RAP1GDS1: variants seen among roughly 807,000 people sequenced by gnomAD.
RAP1GDS1 encodes RAP1, GTP-GDP dissociation stimulator 1.
Under a neutral mutation model 71.1 loss-of-function variants are expected in RAP1GDS1, and 35 were observed. The ratio of observed to expected loss-of-function variants is 0.49; its 90% CI spans 0.38 to 0.65. The LOEUF is 0.65. Ranked by LOEUF, RAP1GDS1 falls within the 30% of genes least tolerant of loss-of-function variation. The pLI, the probability that RAP1GDS1 is intolerant of heterozygous loss-of-function variation, is 0.00. For missense variants in RAP1GDS1, 663 were observed against 706.1 expected, an observed-to-expected ratio of 0.94 and a Z score of 0.69; for synonymous variants, 229 against 243.1, an observed-to-expected ratio of 0.94 and a Z score of 0.54.
chr4:98,413,937 T>C (rs1023110714), intron 7 of RAP1GDS1, among the ~76,000 whole-genome samples: 2 of 152,142 alleles, frequency 1.3e-5, no homozygotes, highest in African/African-American at 4.8e-5. Flanking sequence ...TGGTATCTCA[T>C]GTGGTTTTGA....
At chr4:98,261,993 C>T (rs1438725352) in intron 1 of RAP1GDS1, among the ~76,000 whole-genome samples, 1 of 152,268 alleles carries the variant, frequency 6.6e-6, no homozygotes, top group Non-Finnish European at 1.5e-5. Context: ...CTTCGTGTAA[C>T]TTCCTTCTCT....
chr4:98,314,979 C>A (rs564413982), intron 2 of RAP1GDS1, among the ~76,000 whole-genome samples: 5 of 152,256 alleles, frequency 3.3e-5, no homozygotes, highest in African/African-American at 1.2e-4. Context: ...AGCTGTTGGT[C>A]AGAAAATTAC....
In RAP1GDS1 at chr4:98,308,297, CTATATATATATATATA is replaced by C. The variant is rs779815305; in HGVS notation, c.112+14802_112+14817del. 2.3e-3 allele frequency among the ~76,000 whole-genome samples: 171 copies of C among 73,200 alleles called. 5 individuals carry two copies. The highest frequency in any genetic ancestry group is 6.1e-3 in the African/African-American group (123 of 20,032). 48.0% of individuals were successfully genotyped at this position (73,200 alleles called of 152,430 possible). ...ACACACATATATATACACACACACA[CTATATATATATATATA>C]TATATATATATATATATATGCGCCA... On this transcript the variant is annotated intron_variant, in intron 2 of 14. Transcript: ENST00000408927.
chr4:98,436,081 T>TAC (rs1372149127), intron 13 of RAP1GDS1, among the ~76,000 whole-genome samples: 43 of 128,682 alleles, frequency 3.3e-4, no homozygotes, highest in African/African-American at 1.4e-3. Context: ...AAAAAAAAAA[T>TAC]ATATATATAT....
chr4:98,425,614 C>T (rs1749504898), intron 12 of RAP1GDS1, among the ~76,000 whole-genome samples: 1 of 152,088 alleles, frequency 6.6e-6, no homozygotes, highest in African/African-American at 2.4e-5. Context: ...AAAGAAACAG[C>T]AGTTCAAAAA....
chr4:98,272,679 C>T (rs1723644267), intron 1 of RAP1GDS1, among the ~76,000 whole-genome samples: 2 of 152,116 alleles, frequency 1.3e-5, no homozygotes, highest in African/African-American at 4.8e-5. Flanking sequence ...CAGCAGCAGA[C>T]CACCAGACAG....
chr4:98,365,266 A>G (rs1739309171), intron 4 of RAP1GDS1, among the ~76,000 whole-genome samples: 1 of 152,118 alleles, frequency 6.6e-6, no homozygotes, highest in South Asian at 2.1e-4. Context: ...TCAAGTTTGC[A>G]GACAAGTATC....
chr4:98,296,984 TGAA>T (rs1343498495), intron 2 of RAP1GDS1: 1 of 259,692 alleles, frequency 3.9e-6, no homozygotes, highest in Non-Finnish European at 7.6e-6. Context: ...ACTCTCTCCC[TGAA>T]GAAGTAAGCT....
At chr4:98,330,737 A>T (rs1733862662) in intron 2 of RAP1GDS1, among the ~76,000 whole-genome samples, 1 of 144,076 alleles carries the variant, frequency 6.9e-6, no homozygotes, top group Admixed American at 6.9e-5. Flanking sequence ...ATCCCAGACG[A>T]TGGGCGGCCA....
intron 4 of RAP1GDS1, among the ~76,000 whole-genome samples, chr4:98,373,920 T>C (rs1490357023): frequency 2.0e-5 from 3 of 152,206 alleles, no homozygotes; most frequent in Admixed American, 2.0e-4. Context: ...AATGGGCAGG[T>C]AGTGTATCTA....
Position 98,301,513 on chromosome 4 carries a change from C to T in RAP1GDS1, c.112+7998C>T, listed in dbSNP as rs183301833. ...AACTAACAATATTCTTTGTCTCCAG[C>T]ATAACTAGGAGACAGACTTCAAATT... is the stretch of plus-strand genomic sequence containing the variant. On this transcript the variant is annotated intron_variant, in intron 2 of 14. Transcript: ENST00000408927. Among the ~76,000 whole-genome samples, 3 of 152,212 alleles carry T rather than the reference C, an allele frequency of 2.0e-5. No individual in the cohort carries two copies. In the East Asian group the frequency reaches 5.8e-4, roughly 29 times the overall value.
At chr4:98,371,341 C>T (rs368079112) in intron 4 of RAP1GDS1, among the ~76,000 whole-genome samples, 3 of 152,160 alleles carry the variant, frequency 2.0e-5, no homozygotes, top group Admixed American at 1.3e-4. Context: ...TGGTCTTGAA[C>T]TCCTGACTTC....
At position 98,261,408 on chromosome 4, in the gene RAP1GDS1, G is replaced by T. The variant is rs1186997272; in HGVS notation, c.-158G>T. On this transcript the variant is annotated 5_prime_UTR_variant, in exon 1 of 15. Transcript: ENST00000408927. Reference sequence around the variant, plus strand: ...CGCTCGTCCCCGCCGCGGCCGCGCCGCCTGCAGCAGCACCAGCTGCTCCTC... The same window carrying T: ...CGCTCGTCCCCGCCGCGGCCGCGCCTCCTGCAGCAGCACCAGCTGCTCCTC... The T allele has an allele frequency of 3.6e-6, 1 of 279,846 alleles. No homozygotes were observed. Among genetic ancestry groups the T allele is most frequent in the Non-Finnish European group, 5.5e-6 (1 of 180,632 alleles). The allele number at this position is 279,846 out of a possible 1,614,324, so 17.3% of individuals were successfully genotyped here. A position where few individuals can be genotyped will look rare whatever the true frequency, so the allele number is the denominator to read the frequency against.
chr4:98,352,346 ATT>A (rs1737333037), intron 3 of RAP1GDS1, 128 bp from the exon 4 acceptor site: 10 of 947,988 alleles, frequency 1.1e-5, no homozygotes, highest in Non-Finnish European at 1.4e-5. Flanking sequence ...CTCTTCAAAT[ATT>A]CAGCCACCTT....
In RAP1GDS1 at chr4:98,436,082, ATAT is replaced by A. The variant is rs1254256568; in HGVS notation, c.1568-857_1568-855del. On this transcript the variant is annotated intron_variant, in intron 13 of 14. Coordinates refer to ENST00000408927, the MANE Select transcript of RAP1GDS1 (RefSeq NM_001100427.2). ...CCAGACGCTGTCTCAAAAAAAAAAT[ATAT>A]ATATATATATATATCGGTATAAGGT... Among the ~76,000 whole-genome samples, 1,192 of 130,618 alleles carry A rather than the reference ATAT, an allele frequency of 9.1e-3. 8 individuals are homozygous for A. Among genetic ancestry groups the A allele is most frequent in the Middle Eastern group, 0.022 (6 of 274 alleles). 85.7% of individuals were successfully genotyped at this position (130,618 alleles called of 152,430 possible).
chr4:98,302,884 A>G (rs1194210908), intron 2 of RAP1GDS1, among the ~76,000 whole-genome samples: 1 of 152,148 alleles, frequency 6.6e-6, no homozygotes, highest in Non-Finnish European at 1.5e-5. Context: ...CGTCTCTACT[A>G]AAAATACAAA....
intron 3 of RAP1GDS1, among the ~76,000 whole-genome samples, chr4:98,343,596 T>A (rs1349780683): frequency 1.3e-5 from 2 of 152,218 alleles, no homozygotes; most frequent in Non-Finnish European, 2.9e-5. Context: ...AATATATTTT[T>A]AAATATTTAT....
chr4:98,263,513 G>A (rs1170117496), intron 1 of RAP1GDS1, among the ~76,000 whole-genome samples: 2 of 152,146 alleles, frequency 1.3e-5, no homozygotes, highest in African/African-American at 4.8e-5. Context: ...GATACTCTTT[G>A]GTTAATCTGT....
intron 4 of RAP1GDS1, among the ~76,000 whole-genome samples, chr4:98,376,901 G>A (rs1741259451): frequency 6.6e-6 from 1 of 151,850 alleles, no homozygotes; most frequent in Non-Finnish European, 1.5e-5. Context: ...ACACAAATAG[G>A]TAATTTGCTT....
Sources: allele counts gnomAD v4.1 joint callset (sites outside exome capture counted in the v4.1 genomes callset), GRCh38; gene constraint gnomAD v4.1.1; transcripts MANE v1.5; gene names NCBI Gene and HGNC (gene_info 2026-07-23, HGNC 2026-07-21).